CIAO3: variants seen among roughly 807,000 people sequenced by gnomAD.
CIAO3 encodes LET1 like/JFP15.
CIAO3 carries 45 observed loss-of-function variants against 51.5 expected under a neutral mutation model. That is an observed-to-expected ratio of 0.87 (90% CI 0.69 to 1.12). The LOEUF (loss-of-function observed/expected upper bound fraction) is 1.12, where lower values mean the gene tolerates loss of function less well. CIAO3 is among the 50% of genes most tolerant of loss of function. The pLI, the probability that CIAO3 is intolerant of heterozygous loss-of-function variation, is 0.00. For synonymous variants in CIAO3, 314 were observed against 269.3 expected, an observed-to-expected ratio of 1.17 and a Z score of -1.63; for missense variants, 668 against 632.5, an observed-to-expected ratio of 1.06 and a Z score of -0.60.
Position 737,314 on chromosome 16 carries a change from T to G in CIAO3, c.178A>C (p.Arg60=). 6.2e-7 allele frequency: 1 copy of G among 1,613,136 alleles called. No individual in the cohort carries two copies. The highest frequency in any genetic ancestry group is 8.5e-7 in the Non-Finnish European group (1 of 1,179,990). The change falls in exon 3 of 11, where the codon AGG becomes CGG. Residue 60 remains arginine (R), a synonymous_variant. Coordinates refer to ENST00000251588, the MANE Select transcript of CIAO3 (RefSeq NM_022493.3). The surrounding 1 kb of genome is among the most constrained non-coding windows in gnomAD (Gnocchi z 5.3). ...AGCGAGACCTTGGCCTTCTCCAGCCTCCGGGTCCCGCCGTCCTACAAGGGA... is the reference window on the plus strand; with the variant it reads ...AGCGAGACCTTGGCCTTCTCCAGCCGCCGGGTCCCGCCGTCCTACAAGGGA... ...FQINQDGGTR[R]LEKAKVSLND...
Position 730,285 on chromosome 16 carries a change from C to T in CIAO3, c.*132G>A, listed in dbSNP as rs184473913. 5.2e-4 allele frequency: 483 copies of T among 927,374 alleles called. 1 individual carries two copies. In the African/African-American group the frequency reaches 7.3e-3, roughly 14 times the overall value. The allele number at this position is 927,374 out of a possible 1,614,324, so 57.4% of individuals were successfully genotyped here. A position where few individuals can be genotyped will look rare whatever the true frequency, so the allele number is the denominator to read the frequency against. ...AGGCGGCTGCGGGTCCTGGCTAGTC[C>T]TAGCTCCTACTCGGGTCCCAGCACA... On this transcript the variant is annotated 3_prime_UTR_variant, in exon 11 of 11. Coordinates refer to ENST00000251588, the MANE Select transcript of CIAO3 (RefSeq NM_022493.3).
intron 6 of CIAO3, chr16:733,846 C>T: frequency 2.7e-6 from 1 of 367,810 alleles, no homozygotes; most frequent in South Asian, 2.4e-5. Flanking sequence ...CGGGGCCGCC[C>T]TCGCCCTCTC....
In CIAO3 at chr16:734,341, A is replaced by G; in HGVS notation, c.581T>C (p.Ile194Thr). The change falls in exon 6 of 11, where the codon ATC becomes ACC. Residue 194 changes from isoleucine to threonine, a missense_variant. By Grantham distance (89) the Ile-to-Thr change is moderately conservative. Transcript: ENST00000251588. ...PLLASACPGW[I>T]CYAEKTHGSF... is the part of the protein sequence containing the mutation. ...GCCGTGAGTCTTCTCGGCATAGCAGATCCAGCCTGAGGTGACAGGGGGCAC... is the reference window on the plus strand; with the variant it reads ...GCCGTGAGTCTTCTCGGCATAGCAGGTCCAGCCTGAGGTGACAGGGGGCAC... The G allele has an allele frequency of 6.2e-7, 1 of 1,609,394 alleles. No individual in the cohort carries two copies. The highest frequency in any genetic ancestry group is 8.5e-7 in the Non-Finnish European group (1 of 1,179,188).
intron 6 of CIAO3, 138 bp from the exon 7 acceptor site, chr16:733,565 T>C (rs2041306780): frequency 7.6e-7 from 1 of 1,316,920 alleles, no homozygotes; most frequent in Admixed American, 2.1e-5. Flanking sequence ...GCAAGCCTCC[T>C]GCCGGCTCTG....
In CIAO3 at chr16:730,430, C is replaced by G; in HGVS notation, c.1418G>C (p.Gly473Ala). ...GTCCTGCAGCCCCTACCACCGGATG[C>G]CCAGGCCAGTGCTGGCCTTCTCCAC... The part of the protein sequence containing the change: ...HAVEKASTGL[G>A]IRW Residue 473 changes from glycine (G) to alanine (A), a missense_variant, in exon 11 of 11, where the codon GGC becomes GCC. Transcript: ENST00000251588. 1 of 1,602,686 alleles carries G rather than the reference C, an allele frequency of 6.2e-7. No homozygotes were observed. The highest frequency in any genetic ancestry group is 8.5e-7 in the Non-Finnish European group (1 of 1,179,784).
Position 733,588 on chromosome 16 carries a change from T to TG in CIAO3, c.694-162dup, listed in dbSNP as rs1274380860. The TG allele has an allele frequency of 3.8e-6, 4 of 1,065,302 alleles. No individual in the cohort carries two copies. In the African/African-American group the frequency reaches 6.3e-5, roughly 17 times the overall value. 66.0% of individuals were successfully genotyped at this position (1,065,302 alleles called of 1,614,324 possible). On this transcript the variant is annotated intron_variant, in intron 6 of 10. Transcript: ENST00000251588. Reference sequence around the variant, plus strand: ...CCTGCCGGCTCTGCGGATGTGTCCCTGGACAGGACGGGCCCTGGCTGTGAC... The same window carrying TG: ...CCTGCCGGCTCTGCGGATGTGTCCCTGGGACAGGACGGGCCCTGGCTGTGAC...
rs142241273 is a variant in CIAO3, at chr16:729,931, CCT to C, written c.*484_*485del. The C allele has an allele frequency of 4.7e-4, 165 of 350,126 alleles. No homozygotes were observed. Among genetic ancestry groups the C allele is most frequent in the African/African-American group, 3.4e-3 (158 of 46,000 alleles). 21.7% of individuals were successfully genotyped at this position (350,126 alleles called of 1,614,324 possible). On this transcript the variant is annotated 3_prime_UTR_variant, in exon 11 of 11. Transcript: ENST00000251588. ...GCTTTCCAGGGGCCTGGCACCCCCC[CCT>C]GCCAGGGTCCACACGCAGGGTTGTG... is the stretch of plus-strand genomic sequence containing the variant.
In CIAO3 at chr16:737,644, C is replaced by G. The variant is rs757150690; in HGVS notation, c.163-315G>C. 6 of 1,350,146 alleles carry G rather than the reference C, an allele frequency of 4.4e-6. No individual in the cohort carries two copies. Among genetic ancestry groups the G allele is most frequent in the Non-Finnish European group, 2.9e-6 (3 of 1,029,324 alleles). 83.6% of individuals were successfully genotyped at this position (1,350,146 alleles called of 1,614,324 possible). ...CATGGGGCCCTGGACGGGGTGCTGG[C>G]CCCGGTGCACACTCACAGGGCTGTA... On this transcript the variant is annotated intron_variant, in intron 2 of 10. Coordinates refer to ENST00000251588, the MANE Select transcript of CIAO3 (RefSeq NM_022493.3). The surrounding 1 kb of genome is among the most constrained non-coding windows in gnomAD (Gnocchi z 5.3).
intron 1 of CIAO3, 84 bp downstream of exon 1, chr16:740,836 G>T: frequency 7.4e-7 from 1 of 1,344,000 alleles, no homozygotes; most frequent in South Asian, 1.3e-5. Context: ...TTCCTCAGGG[G>T]AGGAAGTGGG....
At chr16:738,523 TTTGTA>T (rs2041361668) in intron 2 of CIAO3, 1 of 175,504 alleles carries the variant, frequency 5.7e-6, no homozygotes, top group African/African-American at 2.5e-5. Context: ...AATTTTTTTT[TTTGTA>T]TTTTTAGTAG....
intron 1 of CIAO3, chr16:739,993 C>T (rs970956627): frequency 1.2e-5 from 17 of 1,475,762 alleles, no homozygotes; most frequent in Admixed American, 2.0e-5. Context: ...TGCAAACTAC[C>T]CACCTGCGGA....
chr16:731,393 C>T (rs559573352), intron 9 of CIAO3, 172 bp downstream of exon 9: 14 of 947,532 alleles, frequency 1.5e-5, no homozygotes, highest in Admixed American at 3.3e-5. Context: ...GGTGCCTTCA[C>T]ACCCTGAGCC....
intron 4 of CIAO3, 109 bp from the exon 5 acceptor site, chr16:734,980 C>T (rs1032765890): frequency 3.6e-6 from 5 of 1,381,668 alleles, no homozygotes; most frequent in Middle Eastern, 2.6e-4. Context: ...GTCGCACCTG[C>T]TTGCCGTGCC....
chr16:736,665 C>T (rs2041342005), intron 3 of CIAO3, among the ~76,000 whole-genome samples: 1 of 151,920 alleles, frequency 6.6e-6, no homozygotes, highest in Non-Finnish European at 1.5e-5. Flanking sequence ...CGTGCCTGGC[C>T]AAGGGTATCG....
chr16:730,637 C>T lies in CIAO3; in HGVS notation c.1211G>A (p.Gly404Asp). Reference protein sequence around the residue: ...ACPSGCLNGGGQLQAPDRPSR... With the variant: ...ACPSGCLNGGDQLQAPDRPSR... Reference sequence around the variant, plus strand: ...GGGCCTGTCTGGGGCCTGGAGCTGGCCCCCGCCGTTCAGGCAGCCTATGGG... The same window carrying T: ...GGGCCTGTCTGGGGCCTGGAGCTGGTCCCCGCCGTTCAGGCAGCCTATGGG... Residue 404 changes from glycine (G) to aspartate (D), a missense_variant, in exon 11 of 11, where the codon GGC becomes GAC. Physicochemically the swap from Gly to Asp is moderately conservative, Grantham distance 94. Coordinates refer to ENST00000251588, the MANE Select transcript of CIAO3 (RefSeq NM_022493.3). The T allele has an allele frequency of 1.2e-6, 2 of 1,609,210 alleles. No individual in the cohort carries two copies. Among genetic ancestry groups the T allele is most frequent in the South Asian group, 1.1e-5 (1 of 91,072 alleles).
At position 737,618 on chromosome 16, in the gene CIAO3, C is replaced by G; in HGVS notation, c.163-289G>C. The stretch of plus-strand genomic sequence containing the variant: ...GCAAAGCAGCAGCCACCCCACTCAC[C>G]CATGGGGCCCTGGACGGGGTGCTGG... On this transcript the variant is annotated intron_variant, in intron 2 of 10. Transcript: ENST00000251588. The surrounding 1 kb of genome is among the most constrained non-coding windows in gnomAD (Gnocchi z 5.3). 1 of 1,394,168 alleles carries G rather than the reference C, an allele frequency of 7.2e-7. No individual in the cohort carries two copies. Among genetic ancestry groups the G allele is most frequent in the Non-Finnish European group, 9.5e-7 (1 of 1,057,602 alleles). The allele number at this position is 1,394,168 out of a possible 1,614,324, so 86.4% of individuals were successfully genotyped here.
chr16:731,633 G>A lies in CIAO3; in HGVS notation c.966C>T (p.His322=), dbSNP rs3829492. The A allele has an allele frequency of 0.23, 357,892 of 1,559,564 alleles. 54,393 individuals are homozygous for A. Among genetic ancestry groups the A allele is most frequent in the East Asian group, 0.79 (32,791 of 41,586 alleles). ...GCTCTCGGGCCGCGTGCCGGAACAC[G>A]TGCTCCAGGTAGCCCCCCGAGCCCC... ...RGGGSGGYLE[H]VFRHAARELF... is the part of the protein sequence containing the mutation. The change falls in exon 9 of 11, where the codon CAC becomes CAT. Residue 322 remains histidine (H), a synonymous_variant. Coordinates refer to ENST00000251588, the MANE Select transcript of CIAO3 (RefSeq NM_022493.3).
intron 3 of CIAO3, 34 bp from the exon 4 acceptor site, chr16:736,432 C>T (rs1324143258): frequency 6.2e-7 from 1 of 1,611,110 alleles, no homozygotes; most frequent in East Asian, 2.2e-5. Context: ...GCTTACTCTG[C>T]TGGCCTTATG....
intron 6 of CIAO3, chr16:733,778 C>T (rs913334027): frequency 1.6e-5 from 6 of 381,482 alleles, no homozygotes; most frequent in South Asian, 4.6e-5. Flanking sequence ...TGAAAATCCG[C>T]GTGCAGTCAG....
Sources: allele counts gnomAD v4.1 joint callset (sites outside exome capture counted in the v4.1 genomes callset), GRCh38; gene constraint gnomAD v4.1.1; non-coding constraint Gnocchi (gnomAD v3.1); transcripts MANE v1.5; gene names NCBI Gene and HGNC (gene_info 2026-07-23, HGNC 2026-07-21).